GALNT13: variants seen among roughly 807,000 people sequenced by gnomAD.
GALNT13 encodes polypeptide N-acetylgalactosaminyltransferase 13.
Under a neutral mutation model 64.2 loss-of-function variants are expected in GALNT13, and 28 were observed. The observed-to-expected ratio is 0.44, with a 90% confidence interval of 0.32 to 0.60. The LOEUF is 0.60. GALNT13 is among the 20% of genes least tolerant of loss of function. The probability of loss-of-function intolerance (pLI) is 0.05; values close to 1 mark genes in which losing one functional copy is unlikely to be tolerated. For missense variants in GALNT13, 577 were observed against 669.8 expected, an observed-to-expected ratio of 0.86 and a Z score of 1.53; for synonymous variants, 214 against 224.6, an observed-to-expected ratio of 0.95 and a Z score of 0.42.
rs1559154164 is a variant in GALNT13 at position 154,436,875 on chromosome 2, C to T, written c.1396-1717C>T. The T allele has an allele frequency of 2.6e-5, 4 of 151,906 alleles. No homozygotes were observed. The South Asian group carries it at 8.3e-4, about 32-fold the overall frequency. The allele number at this position is 151,906 out of a possible 1,614,324, so 9.4% of individuals were successfully genotyped here. ...GTATATTATTGAGAAAATGTATAAC[C>T]TTTGTGAAGAATTTTCTGGGTTTTG... On this transcript the variant is annotated intron_variant, in intron 11 of 12. Transcript: ENST00000392825.
chr2:153,518,191 G>C, the GALNT13 span, among the ~76,000 whole-genome samples: 1 of 152,088 alleles, frequency 6.6e-6, no homozygotes, highest in Non-Finnish European at 1.5e-5. Context: ...AATGACTTCA[G>C]ACATGTTATC....
intron 3 of GALNT13, among the ~76,000 whole-genome samples, chr2:154,097,267 A>G (rs1337484579): frequency 1.3e-5 from 2 of 152,034 alleles, no homozygotes; most frequent in Non-Finnish European, 2.9e-5. Flanking sequence ...TTCATAATCT[A>G]GTGGGTAAGA....
the GALNT13 span, among the ~76,000 whole-genome samples, chr2:153,522,088 T>G: frequency 6.6e-6 from 1 of 152,138 alleles, no homozygotes; most frequent in South Asian, 2.1e-4. Context: ...TAATCCCAGC[T>G]CTTTGGGAGG....
At chr2:153,997,179 T>C (rs1558897459) in intron 3 of GALNT13, among the ~76,000 whole-genome samples, 2 of 152,168 alleles carry the variant, frequency 1.3e-5, no homozygotes, top group South Asian at 4.1e-4. Flanking sequence ...CATACAACTT[T>C]AGGATTGCTT....
At position 154,451,385 on chromosome 2, in the gene GALNT13, T is replaced by C. The variant is rs917635919; in HGVS notation, c.*834T>C. The stretch of plus-strand genomic sequence containing the variant: ...GGTCTCCACAAACTCTACCATCCCT[T>C]TTCTCTTCACTCTATAGACAGTGGC... On this transcript the variant is annotated 3_prime_UTR_variant, in exon 13 of 13. Coordinates refer to ENST00000392825, the MANE Select transcript of GALNT13 (RefSeq NM_052917.4). 5.9e-5 allele frequency: 9 copies of C among 152,044 alleles called. No homozygotes were observed. The highest frequency in any genetic ancestry group is 1.3e-4 in the Non-Finnish European group (9 of 67,986). The allele number at this position is 152,044 out of a possible 1,614,324, so 9.4% of individuals were successfully genotyped here.
At chr2:154,374,115 T>C (rs1414111176) in intron 9 of GALNT13, among the ~76,000 whole-genome samples, 5 of 152,192 alleles carry the variant, frequency 3.3e-5, no homozygotes, top group African/African-American at 1.2e-4. Flanking sequence ...TCTTGTGCAG[T>C]ATAGAATTGA....
At position 153,963,727 on chromosome 2, in the gene GALNT13, CTCTCTGTGTGTGTGTGTGTGTG is replaced by C. The variant is rs1446878334; in HGVS notation, c.142+19090_142+19111del. Among the ~76,000 whole-genome samples, 353 of 96,748 alleles carry C rather than the reference CTCTCTGTGTGTGTGTGTGTGTG, an allele frequency of 3.6e-3. 2 individuals are homozygous for C. Among genetic ancestry groups the C allele is most frequent in the Middle Eastern group, 0.036 (7 of 196 alleles). 63.5% of individuals were successfully genotyped at this position (96,748 alleles called of 152,430 possible). On this transcript the variant is annotated intron_variant, in intron 3 of 12. Coordinates refer to ENST00000392825, the MANE Select transcript of GALNT13 (RefSeq NM_052917.4). ...TGTCTCTCCGTCTCTCTCTCTCTCT[CTCTCTGTGTGTGTGTGTGTGTG>C]TGTGTGTGTGTGTGTGTGTGTGTGT...
intron 11 of GALNT13, chr2:154,436,726 T>C (rs2105464209): frequency 6.6e-6 from 1 of 152,298 alleles, no homozygotes; most frequent in African/African-American, 2.4e-5. Flanking sequence ...CATATGTTCT[T>C]CATAAAAAAC....
At chr2:153,372,021 G>T in the GALNT13 span, among the ~76,000 whole-genome samples, 1 of 152,124 alleles carries the variant, frequency 6.6e-6, no homozygotes, top group Admixed American at 6.6e-5. Context: ...ACTTTCTCTT[G>T]TGAGGGACCA....
chr2:154,004,118 T>G (rs1696093814), intron 3 of GALNT13, among the ~76,000 whole-genome samples: 1 of 152,224 alleles, frequency 6.6e-6, no homozygotes, highest in African/African-American at 2.4e-5. Flanking sequence ...AGACTAATTC[T>G]AATACATTTA....
chr2:153,345,697 T>G, the GALNT13 span, among the ~76,000 whole-genome samples: 159 of 116,452 alleles, frequency 1.4e-3, 3 homozygotes, highest in African/African-American at 3.5e-3. Flanking sequence ...CTTTCTTTCT[T>G]TCTTTCTCTT....
the GALNT13 span, among the ~76,000 whole-genome samples, chr2:153,472,152 T>C: frequency 6.6e-6 from 1 of 152,064 alleles, no homozygotes; most frequent in African/African-American, 2.4e-5. Context: ...ACATCTGGAG[T>C]CTTGGTCTGA....
chr2:154,244,156 T>G (rs1299703373), intron 6 of GALNT13, among the ~76,000 whole-genome samples: 1 of 152,162 alleles, frequency 6.6e-6, no homozygotes, highest in Admixed American at 6.5e-5. Flanking sequence ...AATGTTTCAA[T>G]ACGGTCATAC....
At chr2:153,651,882 T>G in the GALNT13 span, among the ~76,000 whole-genome samples, 5 of 152,152 alleles carry the variant, frequency 3.3e-5, no homozygotes, top group Non-Finnish European at 5.9e-5. Context: ...GTATCTGTTA[T>G]TTTTACATAT....
intron 8 of GALNT13, among the ~76,000 whole-genome samples, chr2:154,297,420 A>T (rs2105974225): frequency 6.6e-6 from 1 of 152,288 alleles, no homozygotes; most frequent in Admixed American, 6.5e-5. Context: ...GGAATTGAAG[A>T]TAAATGAGGT....
the GALNT13 span, among the ~76,000 whole-genome samples, chr2:153,287,098 TA>T: frequency 1.3e-5 from 2 of 152,142 alleles, no homozygotes; most frequent in Non-Finnish European, 2.9e-5. Context: ...TGAAGGCCAA[TA>T]AAATATTTTC....
chr2:153,604,236 G>A, the GALNT13 span, among the ~76,000 whole-genome samples: 1 of 152,016 alleles, frequency 6.6e-6, no homozygotes, highest in Non-Finnish European at 1.5e-5. Flanking sequence ...TTGATACCAA[G>A]GGTCGTAAGT....
intron 11 of GALNT13, among the ~76,000 whole-genome samples, chr2:154,416,383 A>G (rs761628721): frequency 1.3e-5 from 2 of 152,064 alleles, no homozygotes; most frequent in Admixed American, 6.6e-5. Flanking sequence ...TCATGAGGAC[A>G]CTAATCTCAT....
chr2:154,050,170 A>G (rs992207844), intron 3 of GALNT13, among the ~76,000 whole-genome samples: 3 of 152,200 alleles, frequency 2.0e-5, no homozygotes, highest in African/African-American at 7.2e-5. Flanking sequence ...TTAAAGGATA[A>G]TAGTAATAAG....
Sources: gnomAD v4.1 joint callset for allele counts (sites outside exome capture counted in the v4.1 genomes callset) on GRCh38, gnomAD v4.1.1 for gene constraint, MANE v1.5 for transcripts, NCBI Gene and HGNC (gene_info 2026-07-23, HGNC 2026-07-21) for gene names.